The following CTNNA3 variants were observed in gnomAD, a reference collection of about 807,000 sequenced individuals.
CTNNA3 encodes the protein catenin alpha 3, also known as catenin alpha-3.
A neutral mutation model predicts 95.7 loss-of-function variants in CTNNA3; 76 were observed. The observed-to-expected ratio is 0.79, with a 90% CI of 0.66 to 0.96. CTNNA3 has a LOEUF of 0.96. Among genes scored for constraint, CTNNA3 ranks in the 40% least tolerant of loss-of-function variants. CTNNA3 has a pLI of 0.00. For synonymous variants in CTNNA3, 431 were observed against 374.4 expected, an observed-to-expected ratio of 1.15 and a Z score of -1.74; for missense variants, 1,191 against 1,089.8, an observed-to-expected ratio of 1.09 and a Z score of -1.31.
At chr10:67,123,003 G>C (rs1338613330) in intron 7 of CTNNA3, among the ~76,000 whole-genome samples, 2 of 152,058 alleles carry the variant, frequency 1.3e-5, no homozygotes, top group Non-Finnish European at 2.9e-5. Flanking sequence ...AGTATCAGCA[G>C]GTAGGTATTA....
chr10:66,508,210 G>GTTTTTTT (rs756807793), intron 11 of CTNNA3, among the ~76,000 whole-genome samples: 1 of 108,424 alleles, frequency 9.2e-6, no homozygotes, highest in African/African-American at 3.5e-5. Flanking sequence ...TTTGTTTTCT[G>GTTTTTTT]TTTTTTTTTT....
intron 5 of CTNNA3, among the ~76,000 whole-genome samples, chr10:67,327,263 G>A (rs919520251): frequency 6.6e-6 from 1 of 152,122 alleles, no homozygotes; most frequent in Non-Finnish European, 1.5e-5. Context: ...ACCCTTGCTG[G>A]AGAGGTGATG....
intron 5 of CTNNA3, among the ~76,000 whole-genome samples, chr10:67,224,532 T>C (rs1162121590): frequency 1.3e-5 from 2 of 152,096 alleles, no homozygotes; most frequent in Non-Finnish European, 2.9e-5. Context: ...ACACCACAAA[T>C]ACTGTGAGTG....
In CTNNA3 at chr10:66,508,147, A is replaced by G. The variant is rs1481180720; in HGVS notation, c.1531+12470T>C. Among the ~76,000 whole-genome samples, 3 of 150,578 alleles carry G rather than the reference A, an allele frequency of 2.0e-5. No homozygotes were observed. The East Asian group carries it at 5.8e-4, about 29-fold the overall frequency. ...TTACAATCTGATCCAATCTTTGTCC[A>G]ATTAAGAGTGTGGTGGTGCAGGAGC... On this transcript the variant is annotated intron_variant, in intron 11 of 17. Transcript: ENST00000433211.
chr10:66,014,987 C>T (rs957335269), intron 15 of CTNNA3, among the ~76,000 whole-genome samples: 1 of 151,928 alleles, frequency 6.6e-6, no homozygotes, highest in African/African-American at 2.4e-5. Context: ...CCTGTAGTCC[C>T]AGCTACTCAG....
intron 7 of CTNNA3, among the ~76,000 whole-genome samples, chr10:67,144,595 C>A (rs185269701): frequency 2.0e-5 from 3 of 152,292 alleles, no homozygotes; most frequent in African/African-American, 7.2e-5. Flanking sequence ...TGTTATAGAG[C>A]TGACTTATTT....
intron 12 of CTNNA3, among the ~76,000 whole-genome samples, chr10:66,370,240 T>C (rs2092744104): frequency 6.6e-6 from 1 of 152,106 alleles, no homozygotes; most frequent in Admixed American, 6.6e-5. Context: ...ATAACCAGAC[T>C]TTTCTGGCTA....
At chr10:67,266,088 T>G (rs1866813959) in intron 5 of CTNNA3, among the ~76,000 whole-genome samples, 1 of 151,914 alleles carries the variant, frequency 6.6e-6, no homozygotes, top group Admixed American at 6.6e-5. Context: ...AAATTAAAAC[T>G]GGAAGAAGCT....
At chr10:66,044,401 C>A (rs1032695074) in intron 15 of CTNNA3, among the ~76,000 whole-genome samples, 1 of 151,850 alleles carries the variant, frequency 6.6e-6, no homozygotes, top group Admixed American at 6.6e-5. Flanking sequence ...AAACAACACC[C>A]TTTAATGTTT....
chr10:66,546,386 T>C (rs1225859346), intron 10 of CTNNA3, among the ~76,000 whole-genome samples: 1 of 152,174 alleles, frequency 6.6e-6, no homozygotes, highest in Non-Finnish European at 1.5e-5. Context: ...ATAATAATCA[T>C]AATAATAAAT....
intron 9 of CTNNA3, among the ~76,000 whole-genome samples, chr10:66,726,953 T>C (rs1317545206): frequency 6.6e-6 from 1 of 152,108 alleles, no homozygotes; most frequent in Admixed American, 6.6e-5. Context: ...TTCCAAACTA[T>C]AAATCATGTC....
intron 5 of CTNNA3, among the ~76,000 whole-genome samples, chr10:67,318,784 TG>T (rs546003958): frequency 3.9e-4 from 60 of 152,380 alleles, no homozygotes; most frequent in Non-Finnish European, 6.2e-4. Context: ...CAGACCACGT[TG>T]CTTTCCAGCT....
chr10:67,577,373 G>C (rs1842198113), intron 3 of CTNNA3, among the ~76,000 whole-genome samples: 1 of 147,590 alleles, frequency 6.8e-6, no homozygotes, highest in African/African-American at 2.7e-5. Flanking sequence ...TTTTTGATGG[G>C]GTTGTTTGTT....
At position 67,564,730 on chromosome 10, in the gene CTNNA3, G is replaced by A. The variant is rs1226622992; in HGVS notation, c.293-25061C>T. ...ATATATATATATATCACTATGATCA[G>A]GTGGGTTTTATATCGTGATGCAAGG... On this transcript the variant is annotated intron_variant, in intron 3 of 17. Coordinates refer to ENST00000433211, the MANE Select transcript of CTNNA3 (RefSeq NM_013266.4). Among the ~76,000 whole-genome samples, 9 of 92,162 alleles carry A rather than the reference G, an allele frequency of 9.8e-5. No individual in the cohort carries two copies. In the Admixed American group the frequency reaches 1.1e-3, roughly 12 times the overall value. 60.5% of individuals were successfully genotyped at this position (92,162 alleles called of 152,430 possible). A position where few individuals can be genotyped will look rare whatever the true frequency, so the allele number is the denominator to read the frequency against.
intron 5 of CTNNA3, among the ~76,000 whole-genome samples, chr10:67,225,070 T>G (rs899564781): frequency 1.3e-5 from 2 of 152,112 alleles, no homozygotes; most frequent in Non-Finnish European, 2.9e-5. Flanking sequence ...TTGGTTTGCC[T>G]GGGAGCTGGG....
chr10:66,175,033 A>C (rs549334124), intron 13 of CTNNA3, among the ~76,000 whole-genome samples: 32 of 152,266 alleles, frequency 2.1e-4, no homozygotes, highest in African/African-American at 6.3e-4. Flanking sequence ...TTGAGAAAGA[A>C]GGTACAAGAT....
At chr10:66,000,039 C>T (rs896459473) in intron 15 of CTNNA3, among the ~76,000 whole-genome samples, 5 of 151,460 alleles carry the variant, frequency 3.3e-5, no homozygotes, top group Admixed American at 6.6e-5. Context: ...AACATTATCT[C>T]GTACACAATA....
intron 1 of CTNNA3, among the ~76,000 whole-genome samples, chr10:67,727,172 T>G (rs1375772095): frequency 7.9e-6 from 1 of 126,548 alleles, no homozygotes; most frequent in African/African-American, 3.0e-5. Flanking sequence ...TAATATATGA[T>G]ACATATATTA....
intron 12 of CTNNA3, among the ~76,000 whole-genome samples, chr10:66,317,290 A>T (rs2092115349): frequency 6.6e-6 from 1 of 152,060 alleles, no homozygotes; most frequent in Non-Finnish European, 1.5e-5. Context: ...CACAAACTAA[A>T]TTTATGGTTA....
Sources: gnomAD v4.1 joint callset for allele counts (sites outside exome capture counted in the v4.1 genomes callset) on GRCh38, gnomAD v4.1.1 for gene constraint, MANE v1.5 for transcripts, NCBI Gene and HGNC (gene_info 2026-07-23, HGNC 2026-07-21) for gene names.